The following TTN variants were observed in gnomAD, a reference collection of about 807,000 sequenced individuals.
TTN encodes connectin.
Under a neutral mutation model 3,223.0 loss-of-function variants are expected in TTN, and 1,525 were observed. The observed-to-expected ratio is 0.47, with a 90% CI of 0.45 to 0.49. TTN has a LOEUF of 0.49. Ranked by LOEUF, TTN falls within the 20% of genes least tolerant of loss-of-function variation. The pLI is 0.00. For missense variants in TTN, 40,786 were observed against 43,424.0 expected (o/e 0.94, Z 5.40); for synonymous variants, 14,094 against 15,161.0 (o/e 0.93, Z 5.17).
intron 308 of TTN, among the ~76,000 whole-genome samples, chr2:178,586,087 A>T: frequency 6.6e-6 from 1 of 152,028 alleles, no homozygotes; most frequent in Admixed American, 6.6e-5. Context: ...ATTTCTCCAC[A>T]TCCTCTCTAG....
rs765033370 is a variant in TTN, at chr2:178,611,390, C to G, written c.50839G>C (p.Val16947Leu). The G allele has an allele frequency of 1.9e-6, 3 of 1,612,788 alleles. No individual in the cohort carries two copies. Among genetic ancestry groups the G allele is most frequent in the Non-Finnish European group, 2.5e-6 (3 of 1,179,276 alleles). The stretch of plus-strand genomic sequence containing the variant: ...CTCTTACAGTCTGGGTCTTTGGCAA[C>G]CACATTTTCAGAGATTTCAGATGGC... ...SEPSEISENV[V>L]AKDPDCKPTI... The change falls in exon 269 of 363, where the codon GTT becomes CTT. Residue 16947 changes from valine to leucine, a missense_variant. Physicochemically the swap from Val to Leu is conservative, Grantham distance 32. Coordinates refer to ENST00000589042, the MANE Select transcript of TTN (RefSeq NM_001267550.2).
In TTN at chr2:178,620,280, A is replaced by G; in HGVS notation, c.46241T>C (p.Leu15414Pro). Reference protein sequence around the residue: ...EFDDAVFSCQLSREKANVKWY... With the variant: ...EFDDAVFSCQPSREKANVKWY... ...TTTTACATTGGCTTTCTCTCTGGAGAGCTGGCAGGAGAAGACAGCGTCATC... is the reference window on the plus strand; with the variant it reads ...TTTTACATTGGCTTTCTCTCTGGAGGGCTGGCAGGAGAAGACAGCGTCATC... Residue 15414 changes from leucine to proline, a missense_variant, in exon 248 of 363, where the codon CTC becomes CCC. By Grantham distance (98) the Leu-to-Pro change is moderately conservative. Transcript: ENST00000589042. 1 of 1,547,736 alleles carries G rather than the reference A, an allele frequency of 6.5e-7. No individual in the cohort carries two copies. The highest frequency in any genetic ancestry group is 8.7e-7 in the Non-Finnish European group (1 of 1,149,370).
At chr2:178,652,980 A>T (rs1279939260) in intron 199 of TTN, 49 bp from the exon 200 acceptor site, 1 of 1,605,080 alleles carries the variant, frequency 6.2e-7, no homozygotes, top group Non-Finnish European at 8.5e-7. Flanking sequence ...AGACCACTAG[A>T]AAAGTATTTT....
intron 21 of TTN, 97 bp downstream of exon 21, chr2:178,781,024 C>CTT (rs2092716679): frequency 3.9e-6 from 6 of 1,542,944 alleles, no homozygotes; most frequent in South Asian, 2.3e-5. Context: ...GTATCAGAAC[C>CTT]AGTAAGTGGC....
In TTN at chr2:178,776,343, G is replaced by C. The variant is rs2092223128; in HGVS notation, c.5521C>G (p.Pro1841Ala). The change falls in exon 28 of 363, where the codon CCA (proline) becomes GCA (alanine). Residue 1841 changes from proline to alanine, a missense_variant. Transcript: ENST00000589042. ...VTTDQKEKQK[P>A]DIVLYPEPVR... is the part of the protein sequence containing the mutation. ...GGCTCTGGGTACAAGACAATGTCTGGCTTTTGCTTTTCTTTCTGATCTGTT... is the reference window on the plus strand; with the variant it reads ...GGCTCTGGGTACAAGACAATGTCTGCCTTTTGCTTTTCTTTCTGATCTGTT... The C allele has an allele frequency of 6.2e-7, 1 of 1,613,758 alleles. No homozygotes were observed. The highest frequency in any genetic ancestry group is 1.1e-5 in the South Asian group (1 of 91,090).
Position 178,727,108 on chromosome 2 carries a change from T to C in TTN, c.20257A>G (p.Thr6753Ala). Residue 6753 changes from threonine (T) to alanine (A), a missense_variant, in exon 69 of 363, where the codon ACC becomes GCC. Thr to Ala is a moderately conservative substitution (Grantham distance 58, BLOSUM62 0). Coordinates refer to ENST00000589042, the MANE Select transcript of TTN (RefSeq NM_001267550.2). ...QNPAGSTSCSTKVIVKEPPVF... is the reference protein window; with the variant it reads ...QNPAGSTSCSAKVIVKEPPVF... ...TGTCTACCTTTTACTATAACCTTGG[T>C]ACTGCAGCTTGTGCTGCCAGCGGGA... 2 of 1,587,864 alleles carry C rather than the reference T, an allele frequency of 1.3e-6. No individual in the cohort carries two copies. Among genetic ancestry groups the C allele is most frequent in the Non-Finnish European group, 1.7e-6 (2 of 1,164,628 alleles).
At chr2:178,635,852 C>T in intron 226 of TTN, 111 bp downstream of exon 226, 1 of 1,513,230 alleles carries the variant, frequency 6.6e-7, no homozygotes, top group Admixed American at 2.2e-5. Flanking sequence ...TATTGTTATT[C>T]CCCTCTTAGG....
Position 178,773,938 on chromosome 2 carries a change from A to G in TTN, c.7230T>C (p.His2410=). Residue 2410 remains histidine, a synonymous_variant, in exon 31 of 363, where the codon CAT becomes CAC. Coordinates refer to ENST00000589042, the MANE Select transcript of TTN (RefSeq NM_001267550.2). ...TAGTCATGTCTTCAATGAGCAGCAT[A>G]TGAGATTGTTTGTCTATCACAATGT... ...RVHIVIDKQS[H]MLLIEDMTKE... 1 of 1,614,126 alleles carries G rather than the reference A, an allele frequency of 6.2e-7. No individual in the cohort carries two copies. Among genetic ancestry groups the G allele is most frequent in the Non-Finnish European group, 8.5e-7 (1 of 1,179,998 alleles).
Position 178,713,324 on chromosome 2 carries a change from C to A in TTN, c.26810G>T (p.Gly8937Val). Reference protein sequence around the residue: ...SFTRKLKETNGLSGSSVVMEC... With the variant: ...SFTRKLKETNVLSGSSVVMEC... ...CATTACAACTGAGGAGCCGGATAGA[C>A]CATTTGTCTCTTTCAATTTTCTTGT... The change falls in exon 93 of 363, where the codon GGT (glycine) becomes GTT (valine). Residue 8937 changes from glycine (G) to valine (V), a missense_variant. Gly to Val is a moderately radical substitution (Grantham distance 109, BLOSUM62 -3). Transcript: ENST00000589042. 1 of 1,569,002 alleles carries A rather than the reference C, an allele frequency of 6.4e-7. No homozygotes were observed. Among genetic ancestry groups the A allele is most frequent in the Non-Finnish European group, 8.7e-7 (1 of 1,155,014 alleles).
At chr2:178,664,586 C>T in intron 167 of TTN, 49 bp from the exon 168 acceptor site, 1 of 1,605,194 alleles carries the variant, frequency 6.2e-7, no homozygotes. Flanking sequence ...AGAATCAACA[C>T]AATCAGGAAA....
Position 178,696,143 on chromosome 2 carries a change from T to A in TTN, c.30929A>T (p.Lys10310Met), listed in dbSNP as rs1000936780. 10 of 1,553,322 alleles carry A rather than the reference T, an allele frequency of 6.4e-6. No homozygotes were observed. In the African/African-American group the frequency reaches 1.4e-4, roughly 21 times the overall value. ...TTCGAAAGATTCAATGAAGACTCTC[T>A]TCTCCTTGTGGACTGCTTGCTTTTT... ...YEKKQAVHKE[K>M]RVFIESFEEP... Residue 10310 changes from lysine to methionine, a missense_variant, in exon 114 of 363, where the codon AAG becomes ATG. By Grantham distance (95) the Lys-to-Met change is moderately conservative. Transcript: ENST00000589042.
At position 178,608,925 on chromosome 2, in the gene TTN, G is replaced by A. The variant is rs751011038; in HGVS notation, c.52103-17C>T. On this transcript the variant is annotated splice_polypyrimidine_tract_variant and intron_variant, in intron 273 of 362. Coordinates refer to ENST00000589042, the MANE Select transcript of TTN (RefSeq NM_001267550.2). The stretch of plus-strand genomic sequence containing the variant: ...CCGGTGTATCTAATATTTCAGAAGA[G>A]AACAGTAATCAAAAATTTGTGTGGG... The A allele has an allele frequency of 1.9e-6, 3 of 1,594,200 alleles. No individual in the cohort carries two copies. The highest frequency in any genetic ancestry group is 2.6e-6 in the Non-Finnish European group (3 of 1,175,518).
chr2:178,622,845 A>G, intron 242 of TTN, 78 bp from the exon 243 acceptor site: 1 of 1,102,026 alleles, frequency 9.1e-7, no homozygotes, highest in Non-Finnish European at 1.3e-6. Context: ...TACATTAAGA[A>G]AAAGTGACTC....
chr2:178,764,489 G>A (rs753143142), intron 42 of TTN, 38 bp downstream of exon 42: 1 of 1,613,524 alleles, frequency 6.2e-7, no homozygotes, highest in Non-Finnish European at 8.5e-7. Context: ...CTGCTTCTTA[G>A]GTTTTATTTT....
Position 178,651,146 on chromosome 2 carries a change from C to T in TTN, c.39625+97G>A, listed in dbSNP as rs1017968377. The T allele has an allele frequency of 4.3e-5, 44 of 1,026,760 alleles. No individual in the cohort carries two copies. The African/African-American group carries it at 5.6e-4, about 13-fold the overall frequency. 63.6% of individuals were successfully genotyped at this position (1,026,760 alleles called of 1,614,324 possible). A position where few individuals can be genotyped will look rare whatever the true frequency, so the allele number is the denominator to read the frequency against. On this transcript the variant is annotated intron_variant, in intron 208 of 362. Transcript: ENST00000589042. ...ATCCAGAATGACAGTTTTGTAGTTG[C>T]AAATTTAAGAGGACTCGCAAACAAA... is the stretch of plus-strand genomic sequence containing the variant.
At chr2:178,624,088 C>A (rs1221958367) in intron 242 of TTN, among the ~76,000 whole-genome samples, 1 of 151,890 alleles carries the variant, frequency 6.6e-6, no homozygotes, top group Non-Finnish European at 1.5e-5. Flanking sequence ...ACATGGAAAT[C>A]ACTTTTACTT....
intron 47 of TTN, chr2:178,747,547 G>A (rs1438656425): frequency 1.2e-6 from 2 of 1,613,246 alleles, no homozygotes; most frequent in Non-Finnish European, 1.7e-6. Flanking sequence ...TCTGGTTGTA[G>A]TATTCATACA....
rs2064361121 is a variant in TTN at position 178,659,570 on chromosome 2, A to C, written c.37286-315T>G. Among the ~76,000 whole-genome samples the C allele has an allele frequency of 2.0e-5, 3 of 149,334 alleles. No homozygotes were observed. The South Asian group carries it at 6.5e-4, about 32-fold the overall frequency. On this transcript the variant is annotated intron_variant, in intron 180 of 362. Transcript: ENST00000589042. ...AAAATAATAAGAGCTATTTATGACAAACCCACAGCCAGTATCATACTGAAT... is the reference window on the plus strand; with the variant it reads ...AAAATAATAAGAGCTATTTATGACACACCCACAGCCAGTATCATACTGAAT...
Position 178,553,073 on chromosome 2 carries a change from T to C in TTN, c.89827A>G (p.Lys29943Glu). 1 of 1,611,900 alleles carries C rather than the reference T, an allele frequency of 6.2e-7. No homozygotes were observed. Among genetic ancestry groups the C allele is most frequent in the East Asian group, 2.2e-5 (1 of 44,798 alleles). Residue 29943 changes from lysine to glutamate, a missense_variant, in exon 335 of 363, where the codon AAA (lysine) becomes GAA (glutamate). Transcript: ENST00000589042. ...TPAACQKLQVKHVSRGTVTLL... is the reference protein window; with the variant it reads ...TPAACQKLQVEHVSRGTVTLL... Reference sequence around the variant, plus strand: ...GTGACTGTGCCTCGAGAAACATGTTTAACCTGTAGTTTCTGGCAGGCAGCT... The same window carrying C: ...GTGACTGTGCCTCGAGAAACATGTTCAACCTGTAGTTTCTGGCAGGCAGCT...
Sources: allele counts gnomAD v4.1 joint callset (sites outside exome capture counted in the v4.1 genomes callset), GRCh38; gene constraint gnomAD v4.1.1; transcripts MANE v1.5; gene names NCBI Gene and HGNC (gene_info 2026-07-23, HGNC 2026-07-21).